CAND2: variants seen among roughly 807,000 people sequenced by gnomAD.
CAND2 encodes cullin-associated NEDD8-dissociated protein 2.
A neutral mutation model predicts 98.9 loss-of-function variants in CAND2; 62 were observed. That is an observed-to-expected ratio of 0.63 (90% CI 0.51 to 0.77). CAND2 has a LOEUF of 0.77. Ranked by LOEUF, CAND2 falls within the 30% of genes least tolerant of loss-of-function variation. The probability of loss-of-function intolerance (pLI) is 0.00; values close to 1 mark genes in which losing one functional copy is unlikely to be tolerated. For synonymous variants in CAND2, 770 were observed against 731.9 expected, an observed-to-expected ratio of 1.05 and a Z score of -0.84; for missense variants, 1,501 against 1,655.2, an observed-to-expected ratio of 0.91 and a Z score of 1.62.
chr3:12,809,859 C>T lies in CAND2; in HGVS notation c.492-200C>T, dbSNP rs569457267. 144 of 607,474 alleles carry T rather than the reference C, an allele frequency of 2.4e-4. No individual in the cohort carries two copies. The African/African-American group carries it at 2.5e-3, about 11-fold the overall frequency. The allele number at this position is 607,474 out of a possible 1,614,324, so 37.6% of individuals were successfully genotyped here. On this transcript the variant is annotated intron_variant, in intron 4 of 14. Coordinates refer to ENST00000456430, the MANE Select transcript of CAND2 (RefSeq NM_001162499.2). Reference sequence around the variant, plus strand: ...CAGGCTTTGCACTGCTGAGAAGTCCCTTTCTCTCTCCGCTTTCTCTCATGT... The same window carrying T: ...CAGGCTTTGCACTGCTGAGAAGTCCTTTTCTCTCTCCGCTTTCTCTCATGT...
At position 12,810,341 on chromosome 3, in the gene CAND2, C is replaced by CG; in HGVS notation, c.757+21dup. ...ACCGCCTCGGTAAGGGGGCAGGGGGCGGGGCCTGGGCTGGCATGGTGGGCG... is the reference window on the plus strand; with the variant it reads ...ACCGCCTCGGTAAGGGGGCAGGGGGCGGGGGCCTGGGCTGGCATGGTGGGCG... On this transcript the variant is annotated intron_variant, in intron 5 of 14. Transcript: ENST00000456430. 2 of 1,424,472 alleles carry CG rather than the reference C, an allele frequency of 1.4e-6. No individual in the cohort carries two copies. The highest frequency in any genetic ancestry group is 9.2e-7 in the Non-Finnish European group (1 of 1,090,838). The allele number at this position is 1,424,472 out of a possible 1,614,324, so 88.2% of individuals were successfully genotyped here.
chr3:12,819,869 A>G (rs982636386), intron 10 of CAND2, among the ~76,000 whole-genome samples: 3 of 152,136 alleles, frequency 2.0e-5, no homozygotes, highest in Admixed American at 2.0e-4. Flanking sequence ...GTGTTACCTG[A>G]GCACTGGCAG....
intron 9 of CAND2, 86 bp downstream of exon 9, chr3:12,816,094 G>A: frequency 7.6e-7 from 1 of 1,314,364 alleles, no homozygotes; most frequent in Non-Finnish European, 1.1e-6. Context: ...CCCAGTTCCT[G>A]AGACAGTCTG....
rs1021434209 is a variant in CAND2 at position 12,803,287 on chromosome 3, C to T, written c.69-201C>T. On this transcript the variant is annotated intron_variant, in intron 1 of 14. Transcript: ENST00000456430. ...GATTACAGGCGTGAGCCATTGCGCCCGGCCAGCTCCATTATAATCTTATGG... is the reference window on the plus strand; with the variant it reads ...GATTACAGGCGTGAGCCATTGCGCCTGGCCAGCTCCATTATAATCTTATGG... Among the ~76,000 whole-genome samples the T allele has an allele frequency of 4.6e-5, 7 of 152,130 alleles. 1 individual carries two copies. Among genetic ancestry groups the T allele is most frequent in the South Asian group, 4.1e-4 (2 of 4,822 alleles).
Position 12,831,574 on chromosome 3 carries a change from T to G in CAND2, c.3483+2T>G. On this transcript the variant is annotated splice_donor_variant, in intron 14 of 14. Coordinates refer to ENST00000456430, the MANE Select transcript of CAND2 (RefSeq NM_001162499.2). LOFTEE classifies it high-confidence loss of function. ...CTAAGGGCCACCTGCACTGCCAAGG[T>G]AAGTCCCTGGCCCAGCCCTAGCCCA... The G allele has an allele frequency of 6.2e-7, 1 of 1,605,776 alleles. No individual in the cohort carries two copies. The highest frequency in any genetic ancestry group is 8.5e-7 in the Non-Finnish European group (1 of 1,174,264).
At position 12,813,298 on chromosome 3, in the gene CAND2, C is replaced by G; in HGVS notation, c.916C>G (p.Gln306Glu). ...HVPNVTSLCL[Q>E]YIKHDPNYNY... ...GCCCAACGTGACCAGCCTCTGCCTC[C>G]AATACATAAAACACGACCCCAACTA... is the stretch of plus-strand genomic sequence containing the variant. Residue 306 changes from glutamine (Q) to glutamate (E), a missense_variant, in exon 7 of 15, where the codon CAA (glutamine) becomes GAA (glutamate). Physicochemically the swap from Gln to Glu is conservative, Grantham distance 29. Around this residue, in one of 3 missense-constraint regions of CAND2, gnomAD observed 1,427 missense variants for 1,545.3 expected, o/e 0.92. Coordinates refer to ENST00000456430, the MANE Select transcript of CAND2 (RefSeq NM_001162499.2). 1 of 1,614,074 alleles carries G rather than the reference C, an allele frequency of 6.2e-7. No homozygotes were observed. The highest frequency in any genetic ancestry group is 8.5e-7 in the Non-Finnish European group (1 of 1,180,020).
chr3:12,810,701 TGTTA>T (rs1212826871), intron 5 of CAND2, among the ~76,000 whole-genome samples: 1 of 152,250 alleles, frequency 6.6e-6, no homozygotes, highest in Non-Finnish European at 1.5e-5. Flanking sequence ...GCCACTAAAC[TGTTA>T]GACTATGTTC....
At chr3:12,826,049 G>A (rs943703639) in intron 12 of CAND2, among the ~76,000 whole-genome samples, 1 of 152,166 alleles carries the variant, frequency 6.6e-6, no homozygotes, top group Non-Finnish European at 1.5e-5. Flanking sequence ...AGTTCATCGT[G>A]GCCCCCTAAA....
At chr3:12,802,274 C>T (rs536297396) in intron 1 of CAND2, among the ~76,000 whole-genome samples, 1 of 152,186 alleles carries the variant, frequency 6.6e-6, no homozygotes, top group Non-Finnish European at 1.5e-5. Context: ...TTGCAGTGAG[C>T]TGAGATCGTG....
At chr3:12,822,997 T>C (rs549095472) in intron 11 of CAND2, among the ~76,000 whole-genome samples, 44 of 152,338 alleles carry the variant, frequency 2.9e-4, no homozygotes, top group African/African-American at 8.7e-4. Context: ...CTTGAGTTCA[T>C]AGCTGCTTCG....
intron 1 of CAND2, among the ~76,000 whole-genome samples, chr3:12,801,604 T>C (rs2061767489): frequency 6.6e-6 from 1 of 152,172 alleles, no homozygotes; most frequent in Non-Finnish European, 1.5e-5. Flanking sequence ...AGGCTTTTGG[T>C]GTCAGGCCCC....
At chr3:12,830,108 T>C (rs1388926055) in intron 13 of CAND2, among the ~76,000 whole-genome samples, 3 of 151,546 alleles carry the variant, frequency 2.0e-5, no homozygotes. Flanking sequence ...AGACTTGGAG[T>C]TCCTGGGACG....
At position 12,816,632 on chromosome 3, in the gene CAND2, T is replaced by C. The variant is rs1352750516; in HGVS notation, c.1700T>C (p.Val567Ala). The change falls in exon 10 of 15, where the codon GTT becomes GCT. Residue 567 changes from valine to alanine, a missense_variant. Coordinates refer to ENST00000456430, the MANE Select transcript of CAND2 (RefSeq NM_001162499.2). ...RPRMLDPEPY[V>A]GEMSAVTLAR... is the part of the protein sequence containing the mutation. ...CGGATGCTGGATCCTGAGCCATATGTTGGAGAGATGTCTGCTGTCACCCTG... is the reference window on the plus strand; with the variant it reads ...CGGATGCTGGATCCTGAGCCATATGCTGGAGAGATGTCTGCTGTCACCCTG... 6.2e-7 allele frequency: 1 copy of C among 1,613,724 alleles called. No homozygotes were observed. The highest frequency in any genetic ancestry group is 2.2e-5 in the East Asian group (1 of 44,890).
chr3:12,813,825 A>G (rs957231508), intron 7 of CAND2, among the ~76,000 whole-genome samples: 1 of 152,202 alleles, frequency 6.6e-6, no homozygotes, highest in African/African-American at 2.4e-5. Flanking sequence ...CTGATGGTGG[A>G]ATGGCAGGCA....
chr3:12,829,476 G>GT (rs1298600958), intron 13 of CAND2, among the ~76,000 whole-genome samples: 2 of 152,192 alleles, frequency 1.3e-5, no homozygotes, highest in Non-Finnish European at 2.9e-5. Context: ...AATATGTACT[G>GT]TAAGCGTGAG....
rs776605774 is a variant in CAND2, at chr3:12,817,132, G to A, written c.2200G>A (p.Gly734Ser). ...GCCAGCCTCTTTGGTGGAGGTCAGT[G>A]GCCCTGTGCTCTCAGAGCTGCTGCG... ...AQPASLVEVSGPVLSELLRLL... is the reference protein window; with the variant it reads ...AQPASLVEVSSPVLSELLRLL... Residue 734 changes from glycine (G) to serine (S), a missense_variant, in exon 10 of 15, where the codon GGC (glycine) becomes AGC (serine). This residue lies in a region of CAND2 where 1,427 missense variants were observed against 1,545.3 expected (regional missense o/e 0.92). Transcript: ENST00000456430. 1.9e-6 allele frequency: 3 copies of A among 1,612,922 alleles called. No homozygotes were observed. The highest frequency in any genetic ancestry group is 2.5e-6 in the Non-Finnish European group (3 of 1,179,998).
chr3:12,811,628 A>G (rs983009417), intron 5 of CAND2, among the ~76,000 whole-genome samples: 12 of 150,638 alleles, frequency 8.0e-5, no homozygotes, highest in Non-Finnish European at 4.4e-5. Flanking sequence ...CTGGAGTGCA[A>G]TGGTGCAGTC....
chr3:12,822,803 C>T (rs561847619), intron 11 of CAND2, among the ~76,000 whole-genome samples: 1 of 152,304 alleles, frequency 6.6e-6, no homozygotes, highest in Non-Finnish European at 1.5e-5. Context: ...TAGGCCCTCT[C>T]AGCAGACAGA....
intron 9 of CAND2, 79 bp downstream of exon 9, chr3:12,816,087 A>T: frequency 7.0e-7 from 1 of 1,427,596 alleles, no homozygotes; most frequent in Admixed American, 1.8e-5. Flanking sequence ...TTGAGCCCCC[A>T]GTTCCTGAGA....
Sources: gnomAD v4.1 joint callset for allele counts (sites outside exome capture counted in the v4.1 genomes callset) on GRCh38, gnomAD v4.1.1 for gene constraint, gnomAD v4.1.1 regional missense constraint, MANE v1.5 for transcripts, NCBI Gene and HGNC (gene_info 2026-07-23, HGNC 2026-07-21) for gene names.